The following SLC49A3 variants were observed in gnomAD, a reference collection of about 807,000 sequenced individuals.
The protein encoded by SLC49A3 is solute carrier family 49 member 3.
Under a neutral mutation model 43.8 loss-of-function variants are expected in SLC49A3, and 50 were observed. The observed-to-expected ratio is 1.14, with a 90% CI of 0.91 to 1.45. The LOEUF is 1.45. Ranked by LOEUF, SLC49A3 falls within the 40% of genes most tolerant of loss-of-function variation. The pLI is 0.00. For synonymous variants in SLC49A3, 413 were observed against 352.0 expected, an observed-to-expected ratio of 1.17 and a Z score of -1.94; for missense variants, 906 against 774.1, an observed-to-expected ratio of 1.17 and a Z score of -2.02.
chr4:680,094 ATC>A (rs774176419), downstream of SLC49A3: 237 of 1,354,666 alleles, frequency 1.7e-4, no homozygotes, highest in Middle Eastern at 5.6e-4. Flanking sequence ...TCACGTAAAA[ATC>A]TCTCTTTTCC....
chr4:684,972 T>C lies in SLC49A3; in HGVS notation c.586-116A>G. On this transcript the variant is annotated intron_variant, in intron 4 of 9. Transcript: ENST00000322224. Reference sequence around the variant, plus strand: ...TCCTCCTGCCCCACCACCGGCTGCCTCCCAACCTCTGGTCTGCAGCTGCCC... The same window carrying C: ...TCCTCCTGCCCCACCACCGGCTGCCCCCCAACCTCTGGTCTGCAGCTGCCC... 4 of 1,395,702 alleles carry C rather than the reference T, an allele frequency of 2.9e-6. No individual in the cohort carries two copies. In the South Asian group the frequency reaches 5.5e-5, roughly 19 times the overall value. The allele number at this position is 1,395,702 out of a possible 1,614,324, so 86.5% of individuals were successfully genotyped here. A position where few individuals can be genotyped will look rare whatever the true frequency, so the allele number is the denominator to read the frequency against.
chr4:683,218 A>C lies in SLC49A3; in HGVS notation c.1143T>G (p.Phe381Leu). ...VGEGAATGMI[F>L]VLGQAEGILI... Reference sequence around the variant, plus strand: ...GGCAGATGGACACTCACCCCAGCACAAAGATCATGCCTGTGGCAGCCCCCT... The same window carrying C: ...GGCAGATGGACACTCACCCCAGCACCAAGATCATGCCTGTGGCAGCCCCCT... Residue 381 changes from phenylalanine (F) to leucine (L), a missense_variant, in exon 8 of 10, where the codon TTT (phenylalanine) becomes TTG (leucine). Physicochemically the swap from Phe to Leu is conservative, Grantham distance 22. Coordinates refer to ENST00000322224, the MANE Select transcript of SLC49A3 (RefSeq NM_032219.4). 6.2e-7 allele frequency: 1 copy of C among 1,612,764 alleles called. No homozygotes were observed. The highest frequency in any genetic ancestry group is 1.7e-5 in the Admixed American group (1 of 60,012).
In SLC49A3 at chr4:684,615, G is replaced by A. The variant is rs749568535; in HGVS notation, c.724-16C>T. ...TCCACATGAGCTGCTGGGAAAGAGC[G>A]TCTCAGCCCCGGAGCCCGGGGGCCC... On this transcript the variant is annotated splice_polypyrimidine_tract_variant and intron_variant, in intron 5 of 9. Transcript: ENST00000322224. 3.9e-5 allele frequency: 63 copies of A among 1,612,336 alleles called. No homozygotes were observed. Among genetic ancestry groups the A allele is most frequent in the Middle Eastern group, 1.6e-4 (1 of 6,078 alleles).
chr4:685,121 C>T lies in SLC49A3; in HGVS notation c.586-265G>A, dbSNP rs2109423569. 1.3e-5 allele frequency: 7 copies of T among 533,846 alleles called. No individual in the cohort carries two copies. In the South Asian group the frequency reaches 1.7e-4, roughly 13 times the overall value. 33.1% of individuals were successfully genotyped at this position (533,846 alleles called of 1,614,324 possible). On this transcript the variant is annotated intron_variant, in intron 4 of 9. Coordinates refer to ENST00000322224, the MANE Select transcript of SLC49A3 (RefSeq NM_032219.4). The surrounding 1 kb of genome is among the most constrained non-coding windows in gnomAD (Gnocchi z 4.3). Reference sequence around the variant, plus strand: ...TAGCCCAGCACCCCCAGGCTCCAGACTTACATCTCACTGCCAGCTGCACAG... The same window carrying T: ...TAGCCCAGCACCCCCAGGCTCCAGATTTACATCTCACTGCCAGCTGCACAG...
downstream of SLC49A3, among the ~76,000 whole-genome samples, chr4:681,590 AGCC>A (rs1033782133): frequency 8.1e-6 from 1 of 122,918 alleles, no homozygotes; most frequent in African/African-American, 3.2e-5. Flanking sequence ...CTGTGGCTGC[AGCC>A]GCCGCCGCCC....
downstream of SLC49A3, chr4:681,810 A>C: frequency 1.6e-6 from 2 of 1,251,532 alleles, no homozygotes; most frequent in Non-Finnish European, 2.0e-6. Context: ...CGCGGCGCAG[A>C]AACCACACCC....
rs1740193421 is a variant in SLC49A3 at position 683,224 on chromosome 4, C to T, written c.1137G>A (p.Met379Ile). 5.6e-6 allele frequency: 9 copies of T among 1,612,828 alleles called. No homozygotes were observed. Among genetic ancestry groups the T allele is most frequent in the Non-Finnish European group, 7.6e-6 (9 of 1,179,948 alleles). Residue 379 changes from methionine (M) to isoleucine (I), a missense_variant, in exon 8 of 10, where the codon ATG (methionine) becomes ATA (isoleucine). Physicochemically the swap from Met to Ile is conservative, Grantham distance 10 (BLOSUM62 1). Transcript: ENST00000322224. The part of the protein sequence containing the change: ...FPVGEGAATG[M>I]IFVLGQAEGI... ...TGGACACTCACCCCAGCACAAAGAT[C>T]ATGCCTGTGGCAGCCCCCTCCCCCA... is the stretch of plus-strand genomic sequence containing the variant.
At chr4:677,247 T>G (rs1447896153), downstream of SLC49A3, among the ~76,000 whole-genome samples, 1 of 152,122 alleles carries the variant, frequency 6.6e-6, no homozygotes, top group Non-Finnish European at 1.5e-5. Flanking sequence ...CTCCCACCCC[T>G]TGAACCAGGG....
chr4:681,649 C>T (rs1230999772), downstream of SLC49A3, among the ~76,000 whole-genome samples: 1 of 60,398 alleles, frequency 1.7e-5, no homozygotes, highest in African/African-American at 6.9e-5. Flanking sequence ...CGCCCCGCCC[C>T]CTCCAGCGCC....
chr4:679,083 G>GAGGTC, downstream of SLC49A3: 1 of 1,549,186 alleles, frequency 6.5e-7, no homozygotes, highest in Non-Finnish European at 8.9e-7. Flanking sequence ...GGCGAACACA[G>GAGGTC]AGGTCCTCCA....
chr4:684,215 G>T (rs1420530434), intron 6 of SLC49A3, among the ~76,000 whole-genome samples: 1 of 152,062 alleles, frequency 6.6e-6, no homozygotes, highest in East Asian at 1.9e-4. Context: ...TGGGAGCCCT[G>T]GGGGCCCCAC....
At chr4:679,796 C>A, downstream of SLC49A3, 1 of 812,974 alleles carries the variant, frequency 1.2e-6, no homozygotes, top group Non-Finnish European at 2.0e-6. Context: ...CAAGCGTCTC[C>A]TTCCCGCTCC....
Position 687,478 on chromosome 4 carries a change from G to A in SLC49A3, c.136-788C>T, listed in dbSNP as rs527411846. ...TGTCTTCCTTTTTCTGCAGGACGGG[G>A]CCAGGCACAGAACGAGCTCCCCAGG... On this transcript the variant is annotated intron_variant, in intron 1 of 9. Coordinates refer to ENST00000322224, the MANE Select transcript of SLC49A3 (RefSeq NM_032219.4). Among the ~76,000 whole-genome samples the A allele has an allele frequency of 1.4e-3, 208 of 152,308 alleles. 1 individual carries two copies. The highest frequency in any genetic ancestry group is 4.7e-3 in the African/African-American group (196 of 41,580).
At chr4:679,924 C>T (rs1251469408), downstream of SLC49A3, 14 of 1,613,736 alleles carry the variant, frequency 8.7e-6, no homozygotes, top group East Asian at 2.2e-5. Flanking sequence ...GCAAGACCAA[C>T]GTCAAGGACG....
At position 681,938 on chromosome 4, in the gene SLC49A3, C is replaced by T. The variant is rs781588153; in HGVS notation, c.*20G>A. ...CGCCTCCATCGATGTGGCGGGCAAC[C>T]TGGACTACAAGGCGCTCAGCTACGT... On this transcript the variant is annotated 3_prime_UTR_variant, in exon 10 of 10. Transcript: ENST00000322224. 1 of 1,332,634 alleles carries T rather than the reference C, an allele frequency of 7.5e-7. No individual in the cohort carries two copies. The highest frequency in any genetic ancestry group is 2.4e-5 in the South Asian group (1 of 41,874). The allele number at this position is 1,332,634 out of a possible 1,614,324, so 82.6% of individuals were successfully genotyped here.
chr4:679,774 A>C (rs374810790), downstream of SLC49A3: 8 of 674,200 alleles, frequency 1.2e-5, no homozygotes, highest in South Asian at 9.2e-5. Context: ...CCACTGCCCC[A>C]CGTGCCTGGG....
At position 681,974 on chromosome 4, in the gene SLC49A3, G is replaced by T. The variant is rs1485193303; in HGVS notation, c.1664C>A (p.Pro555Gln). Residue 555 changes from proline to glutamine, a missense_variant, in exon 10 of 10, where the codon CCG becomes CAG. Transcript: ENST00000322224. Reference sequence around the variant, plus strand: ...GGCGCTCAGCTACGTGATCACCCACGGGGAGGAGAAGGAGGAGTGAGACCC... The same window carrying T: ...GGCGCTCAGCTACGTGATCACCCACTGGGAGGAGAAGGAGGAGTGAGACCC... The part of the protein sequence containing the change: ...PAGSHSSFSS[P>Q]WVIT 3.6e-6 allele frequency: 5 copies of T among 1,396,612 alleles called. No individual in the cohort carries two copies. The highest frequency in any genetic ancestry group is 1.5e-5 in the African/African-American group (1 of 67,152). 86.5% of individuals were successfully genotyped at this position (1,396,612 alleles called of 1,614,324 possible).
chr4:682,280 C>G lies in SLC49A3; in HGVS notation c.1358G>C (p.Gly453Ala). The change falls in exon 10 of 10, where the codon GGG (glycine) becomes GCG (alanine). Residue 453 changes from glycine to alanine, a missense_variant. Transcript: ENST00000322224. ...TPYRRLQAES[G>A]EPPSTRNAVG... ...GGCGTTACGGGTGGAGGGGGGCTCC[C>G]CAGACTCGGCCTGCAGGCGCCGGTA... 3 of 1,351,630 alleles carry G rather than the reference C, an allele frequency of 2.2e-6. No homozygotes were observed. Among genetic ancestry groups the G allele is most frequent in the Non-Finnish European group, 2.9e-6 (3 of 1,042,578 alleles). The allele number at this position is 1,351,630 out of a possible 1,614,324, so 83.7% of individuals were successfully genotyped here.
At chr4:688,482 G>A (rs568206096) in intron 1 of SLC49A3, among the ~76,000 whole-genome samples, 5 of 152,320 alleles carry the variant, frequency 3.3e-5, no homozygotes, top group South Asian at 2.1e-4. Context: ...CTGAGGCTCC[G>A]GGGGATGGCT....
Sources: gnomAD v4.1 joint callset for allele counts (sites outside exome capture counted in the v4.1 genomes callset) on GRCh38, gnomAD v4.1.1 for gene constraint, Gnocchi (gnomAD v3.1) non-coding constraint, MANE v1.5 for transcripts, NCBI Gene and HGNC (gene_info 2026-07-23, HGNC 2026-07-21) for gene names.